NELL1: variants seen among roughly 807,000 people sequenced by gnomAD.
NELL1 encodes the protein protein kinase C-binding protein NELL1.
NELL1 carries 76 observed loss-of-function variants against 107.4 expected under a neutral mutation model. The observed-to-expected ratio is 0.71, with a 90% CI of 0.59 to 0.86. The LOEUF is 0.86. NELL1 is among the 40% of genes least tolerant of loss of function. NELL1 has a pLI of 0.00. For missense variants in NELL1, 1,024 were observed against 1,005.5 expected (o/e 1.02, Z -0.25); for synonymous variants, 353 against 341.2 (o/e 1.03, Z -0.38).
intron 15 of NELL1, among the ~76,000 whole-genome samples, chr11:21,389,210 A>T (rs1009542836): frequency 3.3e-5 from 5 of 151,782 alleles, no homozygotes; most frequent in Admixed American, 6.6e-5. Flanking sequence ...GAGGAAACTG[A>T]GGCTTGAAAG....
chr11:21,209,409 A>C (rs2133858404), intron 13 of NELL1, among the ~76,000 whole-genome samples: 1 of 151,168 alleles, frequency 6.6e-6, no homozygotes, highest in South Asian at 2.1e-4. Context: ...TTTTCAATTA[A>C]GGAAATATGG....
At chr11:20,920,843 C>G (rs1319470548) in intron 7 of NELL1, among the ~76,000 whole-genome samples, 1 of 151,950 alleles carries the variant, frequency 6.6e-6, no homozygotes, top group Non-Finnish European at 1.5e-5. Context: ...TAAAATGGGC[C>G]TTTGTGAGGT....
chr11:21,013,222 A>G (rs749520642), intron 12 of NELL1, among the ~76,000 whole-genome samples: 36 of 152,226 alleles, frequency 2.4e-4, no homozygotes, highest in African/African-American at 8.4e-4. Flanking sequence ...TGCAAAGGCA[A>G]TTTCATCGTG....
chr11:20,852,458 T>A (rs142065655), intron 4 of NELL1, among the ~76,000 whole-genome samples: 1 of 152,216 alleles, frequency 6.6e-6, no homozygotes, highest in South Asian at 2.1e-4. Flanking sequence ...TCTGTTTATA[T>A]GTGTAGACTT....
At chr11:21,410,933 A>G (rs1852361336) in intron 15 of NELL1, among the ~76,000 whole-genome samples, 1 of 152,002 alleles carries the variant, frequency 6.6e-6, no homozygotes, top group Non-Finnish European at 1.5e-5. Context: ...CCCACCCCCA[A>G]CAGATGGTTC....
rs187692230 is a variant in NELL1 at position 21,414,596 on chromosome 11, C to T, written c.1645+43648C>T. Among the ~76,000 whole-genome samples, 197 of 137,556 alleles carry T rather than the reference C, an allele frequency of 1.4e-3. 1 individual carries two copies. The highest frequency in any genetic ancestry group is 2.4e-3 in the Non-Finnish European group (142 of 60,416). 90.2% of individuals were successfully genotyped at this position (137,556 alleles called of 152,430 possible). A position where few individuals can be genotyped will look rare whatever the true frequency, so the allele number is the denominator to read the frequency against. On this transcript the variant is annotated intron_variant, in intron 15 of 19. Transcript: ENST00000357134. Reference sequence around the variant, plus strand: ...ATTATACCTGCTAAACCATTCTCTTCTCTTAAGTTCTTCTTGTTTTAATAA... The same window carrying T: ...ATTATACCTGCTAAACCATTCTCTTTTCTTAAGTTCTTCTTGTTTTAATAA...
At chr11:21,358,437 T>C (rs1050577310) in intron 14 of NELL1, among the ~76,000 whole-genome samples, 2 of 152,032 alleles carry the variant, frequency 1.3e-5, no homozygotes, top group African/African-American at 4.8e-5. Flanking sequence ...TCTTGCACTG[T>C]CTCCCAGGCT....
chr11:20,792,480 A>G (rs916124400), intron 3 of NELL1, among the ~76,000 whole-genome samples: 2 of 151,760 alleles, frequency 1.3e-5, no homozygotes, highest in African/African-American at 2.4e-5. Flanking sequence ...TCTAATATCT[A>G]TCACTGTTTC....
chr11:20,817,067 C>T (rs1857638662), intron 3 of NELL1, among the ~76,000 whole-genome samples: 1 of 152,054 alleles, frequency 6.6e-6, no homozygotes. Flanking sequence ...ATTTTTACAT[C>T]TATGTTCATC....
intron 12 of NELL1, among the ~76,000 whole-genome samples, chr11:21,005,478 G>A (rs1048267132): frequency 1.3e-5 from 2 of 152,148 alleles, no homozygotes; most frequent in Non-Finnish European, 2.9e-5. Context: ...CAGACTGGTG[G>A]CATTTAGAGC....
At chr11:20,963,869 T>C (rs1851338511) in intron 12 of NELL1, among the ~76,000 whole-genome samples, 1 of 152,174 alleles carries the variant, frequency 6.6e-6, no homozygotes, top group African/African-American at 2.4e-5. Context: ...GAAAAGCCTG[T>C]TCAGGCTCTC....
At chr11:21,370,678 G>T (rs1321660336) in intron 14 of NELL1, among the ~76,000 whole-genome samples, 175 bp from the exon 15 acceptor site, 1 of 152,066 alleles carries the variant, frequency 6.6e-6, no homozygotes, top group Non-Finnish European at 1.5e-5. Flanking sequence ...ATATAAACCA[G>T]TGAAATAGGT....
At chr11:21,162,399 AAAC>A (rs1856392558) in intron 13 of NELL1, among the ~76,000 whole-genome samples, 1 of 152,158 alleles carries the variant, frequency 6.6e-6, no homozygotes, top group African/African-American at 2.4e-5. Context: ...TAAGTGGGAG[AAAC>A]AAGAGGTCAG....
chr11:21,193,954 G>A (rs1857098590), intron 13 of NELL1, among the ~76,000 whole-genome samples: 1 of 151,836 alleles, frequency 6.6e-6, no homozygotes, highest in South Asian at 2.1e-4. Flanking sequence ...TCTTTGAGGA[G>A]TCTCACAGAT....
At chr11:21,488,839 AGAT>A (rs1854715659) in intron 15 of NELL1, among the ~76,000 whole-genome samples, 3 of 152,128 alleles carry the variant, frequency 2.0e-5, no homozygotes, top group Non-Finnish European at 4.4e-5. Context: ...AAAAAAAGAA[AGAT>A]TTCAAATAAT....
chr11:20,701,947 C>T (rs572856248), intron 2 of NELL1, among the ~76,000 whole-genome samples: 1 of 152,314 alleles, frequency 6.6e-6, no homozygotes, highest in African/African-American at 2.4e-5. Context: ...TAGCATGATG[C>T]CTCCAGTTTT....
intron 4 of NELL1, among the ~76,000 whole-genome samples, chr11:20,874,163 G>T (rs113818975): frequency 2.0e-5 from 3 of 152,156 alleles, no homozygotes; most frequent in Non-Finnish European, 4.4e-5. Flanking sequence ...CGCCTCCTGG[G>T]TTTAAGCGAT....
intron 3 of NELL1, among the ~76,000 whole-genome samples, chr11:20,796,764 G>T (rs1156938335): frequency 1.3e-5 from 2 of 152,218 alleles, no homozygotes; most frequent in African/African-American, 4.8e-5. Flanking sequence ...CAAGAGTGGA[G>T]ACAGTCAAAG....
intron 15 of NELL1, among the ~76,000 whole-genome samples, chr11:21,403,913 A>G (rs938470049): frequency 6.7e-6 from 1 of 150,076 alleles, no homozygotes; most frequent in Non-Finnish European, 1.5e-5. Flanking sequence ...TGGGATGTTA[A>G]GAATGAGCAG....
Sources: gnomAD v4.1 joint callset for allele counts (sites outside exome capture counted in the v4.1 genomes callset) on GRCh38, gnomAD v4.1.1 for gene constraint, MANE v1.5 for transcripts, NCBI Gene and HGNC (gene_info 2026-07-23, HGNC 2026-07-21) for gene names.